The following DACH1 variants were observed in gnomAD, a reference collection of about 807,000 sequenced individuals.
DACH1 encodes the protein dachshund homolog 1.
In DACH1, 12 loss-of-function variants were observed where a neutral mutation model predicts 54.2. The ratio of observed to expected loss-of-function variants is 0.22; its 90% CI spans 0.14 to 0.36. The LOEUF (loss-of-function observed/expected upper bound fraction) is 0.36. Among genes scored for constraint, DACH1 ranks in the 10% least tolerant of loss-of-function variants. The pLI, the probability that DACH1 is intolerant of heterozygous loss-of-function variation, is 1.00. For synonymous variants in DACH1, 386 were observed against 366.2 expected (o/e 1.05, Z -0.62); for missense variants, 805 against 929.8 (o/e 0.87, Z 1.75).
chr13:71,643,521 T>C (rs946123447), intron 2 of DACH1, among the ~76,000 whole-genome samples: 24 of 152,222 alleles, frequency 1.6e-4, no homozygotes, highest in Non-Finnish European at 1.5e-5. Flanking sequence ...TGTTGCATTA[T>C]TCATTTCATG....
At position 71,765,436 on chromosome 13, in the gene DACH1, T is replaced by C. The variant is rs546659671; in HGVS notation, c.849-83526A>G. On this transcript the variant is annotated intron_variant, in intron 1 of 10. Coordinates refer to ENST00000613252, the MANE Select transcript of DACH1 (RefSeq NM_080759.6). ...ATAATAATCTTCTAACTAGCCTTCT[T>C]GCCTCCATTTGTAGTACACTTTCCA... Among the ~76,000 whole-genome samples, 4 of 152,346 alleles carry C rather than the reference T, an allele frequency of 2.6e-5. No homozygotes were observed. In the South Asian group the frequency reaches 8.3e-4, roughly 32 times the overall value.
intron 3 of DACH1, among the ~76,000 whole-genome samples, chr13:71,612,412 C>T (rs1414773170): frequency 1.3e-5 from 2 of 151,928 alleles, no homozygotes; most frequent in East Asian, 1.9e-4. Flanking sequence ...TCAAGGTCAA[C>T]AAGATGGATG....
At chr13:71,478,639 T>A (rs1168719715) in intron 8 of DACH1, among the ~76,000 whole-genome samples, 1 of 152,172 alleles carries the variant, frequency 6.6e-6, no homozygotes, top group Non-Finnish European at 1.5e-5. Context: ...CAGTTTCTAC[T>A]CTGTGTACTT....
At chr13:71,845,069 A>G (rs1046582535) in intron 1 of DACH1, among the ~76,000 whole-genome samples, 3 of 152,156 alleles carry the variant, frequency 2.0e-5, no homozygotes, top group African/African-American at 7.2e-5. Context: ...ACCTATAGTT[A>G]ATAATATGTG....
chr13:71,719,836 G>A (rs1431048591), intron 1 of DACH1, among the ~76,000 whole-genome samples: 10 of 152,040 alleles, frequency 6.6e-5, no homozygotes, highest in Admixed American at 2.6e-4. Context: ...CTGCACTCCA[G>A]CCTGGGCCAC....
intron 1 of DACH1, among the ~76,000 whole-genome samples, chr13:71,799,860 C>G (rs1036885998): frequency 6.6e-6 from 1 of 152,112 alleles, no homozygotes; most frequent in African/African-American, 2.4e-5. Context: ...ATCATTATAT[C>G]TCCATTTTCG....
chr13:71,610,609 T>C (rs1429661218), intron 3 of DACH1, among the ~76,000 whole-genome samples: 1 of 152,154 alleles, frequency 6.6e-6, no homozygotes, highest in Non-Finnish European at 1.5e-5. Context: ...CACAAAAACA[T>C]ATCATATGAG....
chr13:71,456,956 T>C lies in DACH1; in HGVS notation c.2084-16264A>G, dbSNP rs145180485. ...TACCAAATGCATTTTATATAAGAGATCATGATGTTCCTAAAGCTTAAAATA... is the reference window on the plus strand; with the variant it reads ...TACCAAATGCATTTTATATAAGAGACCATGATGTTCCTAAAGCTTAAAATA... On this transcript the variant is annotated intron_variant, in intron 10 of 10. Coordinates refer to ENST00000613252, the MANE Select transcript of DACH1 (RefSeq NM_080759.6). Among the ~76,000 whole-genome samples, 674 of 152,128 alleles carry C rather than the reference T, an allele frequency of 4.4e-3. 5 individuals are homozygous for C. Among genetic ancestry groups the C allele is most frequent in the African/African-American group, 0.016 (653 of 41,550 alleles).
intron 1 of DACH1, among the ~76,000 whole-genome samples, chr13:71,816,687 TAC>T (rs531997470): frequency 7.1e-6 from 1 of 141,284 alleles, no homozygotes; most frequent in African/African-American, 2.7e-5. Context: ...CATATATATA[TAC>T]ACATATATAT....
rs567314858 is a variant in DACH1 at position 71,626,241 on chromosome 13, G to T, written c.1126+4315C>A. On this transcript the variant is annotated intron_variant, in intron 3 of 10. Coordinates refer to ENST00000613252, the MANE Select transcript of DACH1 (RefSeq NM_080759.6). Reference sequence around the variant, plus strand: ...GCAAGTATTTAAATAACATAGAAACGATTAAGAGATGCTCACTATGTCAAT... The same window carrying T: ...GCAAGTATTTAAATAACATAGAAACTATTAAGAGATGCTCACTATGTCAAT... 3.9e-5 allele frequency among the ~76,000 whole-genome samples: 6 copies of T among 151,954 alleles called. No individual in the cohort carries two copies. In the East Asian group the frequency reaches 9.7e-4, roughly 24 times the overall value.
At chr13:71,778,545 A>G (rs1886168681) in intron 1 of DACH1, among the ~76,000 whole-genome samples, 1 of 151,212 alleles carries the variant, frequency 6.6e-6, no homozygotes, top group African/African-American at 2.5e-5. Flanking sequence ...AAGTTGAAAA[A>G]TCTAGTAAAA....
chr13:71,524,588 TA>T, intron 6 of DACH1, among the ~76,000 whole-genome samples: 1 of 152,236 alleles, frequency 6.6e-6, no homozygotes, highest in Non-Finnish European at 1.5e-5. Flanking sequence ...AGCTGAGTAT[TA>T]ATAAATATAG....
At chr13:71,527,295 A>G (rs1458956011) in intron 6 of DACH1, among the ~76,000 whole-genome samples, 2 of 152,262 alleles carry the variant, frequency 1.3e-5, no homozygotes, top group African/African-American at 4.8e-5. Flanking sequence ...AGCATATTAT[A>G]CTTATATTTG....
Position 71,651,004 on chromosome 13 carries a change from G to C in DACH1, c.965-20287C>G, listed in dbSNP as rs73521293. Among the ~76,000 whole-genome samples, 1,418 of 152,154 alleles carry C rather than the reference G, an allele frequency of 9.3e-3. 23 individuals are homozygous for C. The highest frequency in any genetic ancestry group is 0.032 in the African/African-American group (1,345 of 41,516). On this transcript the variant is annotated intron_variant, in intron 2 of 10. Transcript: ENST00000613252. ...AGCATCTTATTACTTTTTATTGTTA[G>C]TAAAAATTTGCAAAGGTCATTTGAA...
chr13:71,458,555 C>G (rs1488967977), intron 10 of DACH1, among the ~76,000 whole-genome samples: 1 of 151,780 alleles, frequency 6.6e-6, no homozygotes, highest in Non-Finnish European at 1.5e-5. Context: ...CCTATTAGAT[C>G]AATTTTAGGC....
chr13:71,737,555 A>C (rs544626114), intron 1 of DACH1, among the ~76,000 whole-genome samples: 1 of 152,374 alleles, frequency 6.6e-6, no homozygotes, highest in African/African-American at 2.4e-5. Flanking sequence ...AAACCATACT[A>C]AGCCTTAAAT....
At chr13:71,629,187 G>A (rs1352201217) in intron 3 of DACH1, among the ~76,000 whole-genome samples, 1 of 152,040 alleles carries the variant, frequency 6.6e-6, no homozygotes, top group African/African-American at 2.4e-5. Flanking sequence ...CTAAATATAT[G>A]TGTGTAAACC....
chr13:71,572,786 G>C, intron 4 of DACH1, 54 bp downstream of exon 4: 1 of 1,541,442 alleles, frequency 6.5e-7, no homozygotes, highest in Non-Finnish European at 8.8e-7. Context: ...AATGGATTAA[G>C]GGATGGTGGC....
intron 2 of DACH1, among the ~76,000 whole-genome samples, 163 bp from the exon 3 acceptor site, chr13:71,630,880 C>T (rs1276041730): frequency 1.3e-5 from 2 of 152,084 alleles, no homozygotes; most frequent in African/African-American, 4.8e-5. Flanking sequence ...AATGAAACAA[C>T]ATTGATATAA....
Sources: allele counts gnomAD v4.1 joint callset (sites outside exome capture counted in the v4.1 genomes callset), GRCh38; gene constraint gnomAD v4.1.1; transcripts MANE v1.5; gene names NCBI Gene and HGNC (gene_info 2026-07-23, HGNC 2026-07-21).